Variants in ATP9A observed in about 807,000 individuals in gnomAD.
ATP9A encodes ATPase phospholipid transporting 9A.
ATP9A carries 52 observed loss-of-function variants against 144.1 expected under a neutral mutation model. The observed-to-expected ratio is 0.36, with a 90% CI of 0.29 to 0.45. ATP9A has a LOEUF of 0.45. Among genes scored for constraint, ATP9A ranks in the 20% least tolerant of loss-of-function variants. ATP9A has a pLI of 1.00. For synonymous variants in ATP9A, 582 were observed against 557.4 expected, an observed-to-expected ratio of 1.04 and a Z score of -0.62; for missense variants, 947 against 1,392.7, an observed-to-expected ratio of 0.68 and a Z score of 5.09.
At chr20:51,705,998 T>C (rs757131864) in intron 4 of ATP9A, among the ~76,000 whole-genome samples, 1 of 152,236 alleles carries the variant, frequency 6.6e-6, no homozygotes, top group Admixed American at 6.5e-5. Flanking sequence ...CTCTGATGTT[T>C]AAATGTGAAT....
At chr20:51,688,973 A>G in intron 9 of ATP9A, 91 bp downstream of exon 9, 1 of 1,409,578 alleles carries the variant, frequency 7.1e-7, no homozygotes, top group Non-Finnish European at 1.0e-6. Context: ...CCGAGCACTC[A>G]TTTTTCCAAC....
chr20:51,744,146 T>C (rs2077797375), intron 1 of ATP9A, among the ~76,000 whole-genome samples: 1 of 151,814 alleles, frequency 6.6e-6, no homozygotes, highest in Non-Finnish European at 1.5e-5. Context: ...TTAGACCATT[T>C]ATTTATTATT....
intron 13 of ATP9A, among the ~76,000 whole-genome samples, chr20:51,658,551 A>C (rs1601087250): frequency 5.9e-5 from 7 of 118,414 alleles, no homozygotes; most frequent in Middle Eastern, 7.9e-3. Context: ...CATGAGTCTC[A>C]CTCTGTCACC....
chr20:51,670,224 G>A, intron 12 of ATP9A, 115 bp from the exon 13 acceptor site: 1 of 750,044 alleles, frequency 1.3e-6, no homozygotes, highest in South Asian at 1.6e-5. Context: ...ACTGCAGTCA[G>A]TACTGTCCCT....
At chr20:51,712,698 C>A (rs367937393) in intron 4 of ATP9A, among the ~76,000 whole-genome samples, 1 of 152,220 alleles carries the variant, frequency 6.6e-6, no homozygotes, top group South Asian at 2.1e-4. Flanking sequence ...GATGCCAGCA[C>A]ACAAAATGTA....
At chr20:51,697,053 G>T (rs1406531283) in intron 5 of ATP9A, among the ~76,000 whole-genome samples, 3 of 152,272 alleles carry the variant, frequency 2.0e-5, no homozygotes, top group Admixed American at 6.5e-5. Flanking sequence ...AGCTAAAATG[G>T]CTCAAAGGGT....
chr20:51,668,247 G>A (rs1291117368), intron 13 of ATP9A, among the ~76,000 whole-genome samples: 1 of 151,520 alleles, frequency 6.6e-6, no homozygotes, highest in African/African-American at 2.4e-5. Context: ...AAGGGGCAGT[G>A]GCTGTCAGCT....
intron 1 of ATP9A, among the ~76,000 whole-genome samples, chr20:51,737,184 G>C (rs2077766373): frequency 6.6e-6 from 1 of 152,174 alleles, no homozygotes. Flanking sequence ...GCACTACCAT[G>C]AACAGCCTCA....
intron 4 of ATP9A, among the ~76,000 whole-genome samples, chr20:51,702,629 G>C (rs569998349): frequency 3.9e-5 from 6 of 152,098 alleles, no homozygotes; most frequent in Admixed American, 1.3e-4. Flanking sequence ...AGAGACCAAA[G>C]TTAGAAGTGA....
chr20:51,637,551 G>C (rs191243343), intron 15 of ATP9A, among the ~76,000 whole-genome samples: 1 of 152,102 alleles, frequency 6.6e-6, no homozygotes, highest in African/African-American at 2.4e-5. Context: ...GATGCTGTAA[G>C]AGGTGGTCTG....
At chr20:51,673,852 C>A (rs1442713706) in intron 11 of ATP9A, among the ~76,000 whole-genome samples, 5 of 152,086 alleles carry the variant, frequency 3.3e-5, no homozygotes, top group African/African-American at 7.2e-5. Context: ...GAGTTCAAGA[C>A]AAGCCTGGCA....
At chr20:51,665,720 G>A (rs866838909) in intron 13 of ATP9A, among the ~76,000 whole-genome samples, 102 of 144,752 alleles carry the variant, frequency 7.0e-4, no homozygotes, top group African/African-American at 2.5e-3. Context: ...GTGAGACTTC[G>A]TCTCAAAAAA....
intron 1 of ATP9A, among the ~76,000 whole-genome samples, chr20:51,767,736 G>A (rs2122930976): frequency 1.3e-5 from 2 of 152,250 alleles, no homozygotes; most frequent in South Asian, 2.1e-4. Context: ...TGCTGGTTCG[G>A]GTCCACCCCG....
intron 23 of ATP9A, among the ~76,000 whole-genome samples, chr20:51,612,308 T>G (rs1251130984): frequency 3.9e-5 from 6 of 152,206 alleles, no homozygotes; most frequent in Admixed American, 3.9e-4. Context: ...CATTTTCACC[T>G]CAATGCCCAA....
At chr20:51,637,306 T>TA (rs3029335) in intron 15 of ATP9A, among the ~76,000 whole-genome samples, 21,474 of 89,678 alleles carry the variant, frequency 0.24, 2,920 homozygotes, top group East Asian at 0.45. Context: ...TCCCTAACAT[T>TA]AAAAAAAAAA....
intron 1 of ATP9A, among the ~76,000 whole-genome samples, chr20:51,761,944 TC>T (rs2122921921): frequency 6.6e-6 from 1 of 151,962 alleles, no homozygotes; most frequent in South Asian, 2.1e-4. Context: ...ACTTCTAGAG[TC>T]CCCCGCATTC....
chr20:51,671,038 G>C, intron 12 of ATP9A, 77 bp downstream of exon 12: 1 of 1,545,356 alleles, frequency 6.5e-7, no homozygotes, highest in Non-Finnish European at 8.9e-7. Flanking sequence ...TCCAGAGAGA[G>C]CCCAAGAATT....
At chr20:51,631,243 T>C (rs1568793658) in intron 15 of ATP9A, among the ~76,000 whole-genome samples, 4 of 152,174 alleles carry the variant, frequency 2.6e-5, no homozygotes, top group Admixed American at 2.6e-4. Flanking sequence ...TAGAACAACA[T>C]GCTGACTCAT....
intron 14 of ATP9A, among the ~76,000 whole-genome samples, chr20:51,655,626 A>C (rs1440975752): frequency 6.6e-6 from 1 of 152,332 alleles, no homozygotes; most frequent in African/African-American, 2.4e-5. Context: ...AACAACTGAC[A>C]GTAACAAGGA....
Sources: gnomAD v4.1 joint callset for allele counts (sites outside exome capture counted in the v4.1 genomes callset) on GRCh38, gnomAD v4.1.1 for gene constraint, MANE v1.5 for transcripts, NCBI Gene and HGNC (gene_info 2026-07-23, HGNC 2026-07-21) for gene names.